Variants in SGCZ observed in about 807,000 individuals in gnomAD.
The protein encoded by SGCZ is zeta-sarcoglycan.
Under a neutral mutation model 41.3 loss-of-function variants are expected in SGCZ, and 40 were observed. The ratio of observed to expected loss-of-function variants is 0.97; its 90% CI spans 0.75 to 1.26. The LOEUF (loss-of-function observed/expected upper bound fraction) is 1.26. Ranked by LOEUF, SGCZ falls within the 50% of genes most tolerant of loss-of-function variation. The probability of loss-of-function intolerance (pLI) is 0.00; values close to 1 mark genes in which losing one functional copy is unlikely to be tolerated. For missense variants in SGCZ, 552 were observed against 369.8 expected (o/e 1.49, Z -4.04); for synonymous variants, 206 against 137.5 (o/e 1.50, Z -3.49).
intron 1 of SGCZ, among the ~76,000 whole-genome samples, chr8:15,161,644 TG>T (rs1377691696): frequency 6.6e-6 from 1 of 152,216 alleles, no homozygotes; most frequent in Non-Finnish European, 1.5e-5. Context: ...GCAAACATGT[TG>T]TAAAAAGTAG....
At chr8:15,226,632 C>G (rs1360856066) in intron 1 of SGCZ, among the ~76,000 whole-genome samples, 2 of 152,156 alleles carry the variant, frequency 1.3e-5, no homozygotes, top group African/African-American at 4.8e-5. Context: ...CCAACTTATT[C>G]TAAAATGACT....
chr8:14,173,282 C>T (rs1218065844), intron 4 of SGCZ, among the ~76,000 whole-genome samples: 1 of 151,358 alleles, frequency 6.6e-6, no homozygotes, highest in Non-Finnish European at 1.5e-5. Flanking sequence ...GAATGGGGCC[C>T]AGATTTGCTC....
At chr8:14,118,440 C>T (rs1211359) in intron 5 of SGCZ, among the ~76,000 whole-genome samples, 3 of 151,910 alleles carry the variant, frequency 2.0e-5, no homozygotes, top group Non-Finnish European at 4.4e-5. Context: ...AATTTAAGTT[C>T]TTTGTAGATT....
intron 1 of SGCZ, among the ~76,000 whole-genome samples, chr8:14,667,042 T>C (rs1432668058): frequency 6.6e-6 from 1 of 152,002 alleles, no homozygotes; most frequent in East Asian, 1.9e-4. Context: ...AATAGAGACA[T>C]ATAGAGAGAG....
chr8:14,225,351 T>C (rs900494133), intron 4 of SGCZ, among the ~76,000 whole-genome samples: 1 of 152,092 alleles, frequency 6.6e-6, no homozygotes, highest in Admixed American at 6.6e-5. Flanking sequence ...CTGATTAGTT[T>C]TGTTAAACTT....
intron 2 of SGCZ, among the ~76,000 whole-genome samples, chr8:14,398,949 T>A (rs78618668): frequency 0.05 from 7,638 of 152,186 alleles, 282 homozygotes; most frequent in Middle Eastern, 0.12. Flanking sequence ...TTTCTTTTCT[T>A]TTTAAATTTC....
intron 7 of SGCZ, among the ~76,000 whole-genome samples, chr8:14,099,794 T>C (rs2116974465): frequency 6.6e-6 from 1 of 152,312 alleles, no homozygotes; most frequent in South Asian, 2.1e-4. Flanking sequence ...GTATTACATG[T>C]GCCATTATAC....
chr8:14,097,951 T>G (rs975348809), intron 7 of SGCZ, among the ~76,000 whole-genome samples: 1 of 152,110 alleles, frequency 6.6e-6, no homozygotes, highest in African/African-American at 2.4e-5. Flanking sequence ...AGTTTTTTAT[T>G]TTAAATATCT....
intron 1 of SGCZ, among the ~76,000 whole-genome samples, chr8:15,024,777 A>C (rs906216632): frequency 3.3e-5 from 5 of 151,992 alleles, no homozygotes; most frequent in Non-Finnish European, 5.9e-5. Flanking sequence ...TCTACTAAAA[A>C]TACAAAAAAT....
intron 1 of SGCZ, among the ~76,000 whole-genome samples, chr8:15,224,147 T>G (rs945831432): frequency 6.6e-6 from 1 of 152,158 alleles, no homozygotes; most frequent in African/African-American, 2.4e-5. Flanking sequence ...TGAGCCACCA[T>G]GCCCAGCCAA....
At chr8:14,535,287 G>C (rs962638682) in intron 2 of SGCZ, among the ~76,000 whole-genome samples, 7 of 151,740 alleles carry the variant, frequency 4.6e-5, no homozygotes, top group South Asian at 4.2e-4. Flanking sequence ...TGGGCTAAAA[G>C]AAAGTTTAAT....
intron 1 of SGCZ, among the ~76,000 whole-genome samples, chr8:14,688,616 A>C (rs1343374046): frequency 2.0e-5 from 3 of 152,148 alleles, no homozygotes; most frequent in Non-Finnish European, 2.9e-5. Context: ...TATAGTTTGA[A>C]ATCAGGTAGC....
At chr8:14,745,309 A>G (rs1305284877) in intron 1 of SGCZ, among the ~76,000 whole-genome samples, 2 of 152,184 alleles carry the variant, frequency 1.3e-5, no homozygotes, top group Non-Finnish European at 2.9e-5. Flanking sequence ...CATGGCAGTC[A>G]CTACTAAGAT....
chr8:14,324,306 A>G (rs1802020767), intron 2 of SGCZ, 102 bp from the exon 3 acceptor site: 2 of 804,508 alleles, frequency 2.5e-6, no homozygotes, highest in Non-Finnish European at 4.2e-6. Context: ...AGCTCAAATC[A>G]GTGATGATTT....
At chr8:14,912,785 G>A (rs1012224298) in intron 1 of SGCZ, among the ~76,000 whole-genome samples, 1 of 152,058 alleles carries the variant, frequency 6.6e-6, no homozygotes, top group African/African-American at 2.4e-5. Context: ...GATGAAAAAT[G>A]AAACTTTGAG....
At chr8:15,230,767 T>G (rs2117206399) in intron 1 of SGCZ, among the ~76,000 whole-genome samples, 1 of 152,314 alleles carries the variant, frequency 6.6e-6, no homozygotes, top group South Asian at 2.1e-4. Context: ...CAGACTGTCT[T>G]GAACCAAACT....
At chr8:14,276,002 A>T (rs1563228583) in intron 3 of SGCZ, among the ~76,000 whole-genome samples, 1 of 152,204 alleles carries the variant, frequency 6.6e-6, no homozygotes, top group Non-Finnish European at 1.5e-5. Flanking sequence ...CCCAAGTCCT[A>T]GGGGACATAT....
At chr8:14,597,545 T>G (rs546938785) in intron 1 of SGCZ, among the ~76,000 whole-genome samples, 2 of 152,280 alleles carry the variant, frequency 1.3e-5, no homozygotes, top group South Asian at 4.1e-4. Context: ...CTTGGCTCAC[T>G]GCAACCTCCG....
chr8:15,106,554 C>T (rs1038746252), intron 1 of SGCZ, among the ~76,000 whole-genome samples: 1 of 151,218 alleles, frequency 6.6e-6, no homozygotes, highest in Non-Finnish European at 1.5e-5. Context: ...ACTTTACATC[C>T]TTTTATTACA....
Sources: allele counts gnomAD v4.1 joint callset (sites outside exome capture counted in the v4.1 genomes callset), GRCh38; gene constraint gnomAD v4.1.1; transcripts MANE v1.5; gene names NCBI Gene and HGNC (gene_info 2026-07-23, HGNC 2026-07-21).